MMAB: variants seen among roughly 807,000 people sequenced by gnomAD.
MMAB encodes corrinoid adenosyltransferase MMAB.
Under a neutral mutation model 30.6 loss-of-function variants are expected in MMAB, and 17 were observed. The observed-to-expected ratio is 0.56, with a 90% CI of 0.38 to 0.83. The LOEUF (loss-of-function observed/expected upper bound fraction) is 0.83, where lower values mean the gene tolerates loss of function less well. Among genes scored for constraint, MMAB ranks in the 40% least tolerant of loss-of-function variants. The probability of loss-of-function intolerance (pLI) is 0.00; values close to 1 mark genes in which losing one functional copy is unlikely to be tolerated. For missense variants in MMAB, 311 were observed against 331.6 expected (o/e 0.94, Z 0.48); for synonymous variants, 134 against 138.6 (o/e 0.97, Z 0.23).
rs750253084 is a variant in MMAB at position 109,555,196 on chromosome 12, G to A, written c.*1832C>T. ...TCCAGGAAGATTTTGAGATTTTGAG[G>A]TGTAGACAGAATTGAGTGATTCGCT... On this transcript the variant is annotated 3_prime_UTR_variant, in exon 9 of 9. Transcript: ENST00000545712. The A allele has an allele frequency of 1.3e-5, 6 of 452,472 alleles. No homozygotes were observed. Among genetic ancestry groups the A allele is most frequent in the Middle Eastern group, 6.8e-4 (1 of 1,462 alleles). The allele number at this position is 452,472 out of a possible 1,614,324, so 28.0% of individuals were successfully genotyped here.
At chr12:109,559,029 A>C in intron 8 of MMAB, 67 bp downstream of exon 8, 2 of 1,223,378 alleles carry the variant, frequency 1.6e-6, no homozygotes, top group Non-Finnish European at 2.4e-6. Context: ...GGACCGCTGC[A>C]CCGCTGCTAC....
At chr12:109,564,992 A>G in intron 4 of MMAB, 127 bp downstream of exon 4, 1 of 812,556 alleles carries the variant, frequency 1.2e-6, no homozygotes, top group Non-Finnish European at 2.2e-6. Flanking sequence ...AGATGAAGAA[A>G]TGGAGCTCAC....
rs1271052231 is a variant in MMAB, at chr12:109,558,365, G to A, written c.644+731C>T. 1.3e-5 allele frequency among the ~76,000 whole-genome samples: 2 copies of A among 152,146 alleles called. No individual in the cohort carries two copies. The highest frequency in any genetic ancestry group is 6.5e-5 in the Admixed American group (1 of 15,276). On this transcript the variant is annotated intron_variant, in intron 8 of 8. Coordinates refer to ENST00000545712, the MANE Select transcript of MMAB (RefSeq NM_052845.4). The surrounding 1 kb of genome is among the most constrained non-coding windows in gnomAD (Gnocchi z 4.3). ...GAAGGAAAGGAGCTGCTCAGGACCC[G>A]TCAAAGCGCCATGTCTCTGGGAGGA...
intron 3 of MMAB, among the ~76,000 whole-genome samples, chr12:109,567,558 C>A (rs1884479007): frequency 6.6e-6 from 1 of 151,966 alleles, no homozygotes; most frequent in Admixed American, 6.5e-5. Context: ...CCCTCCTACC[C>A]CGCTGATGTC....
Position 109,561,899 on chromosome 12 carries a change from T to A in MMAB, c.349-47A>T. The A allele has an allele frequency of 6.5e-7, 1 of 1,540,324 alleles. No individual in the cohort carries two copies. The highest frequency in any genetic ancestry group is 8.9e-7 in the Non-Finnish European group (1 of 1,129,496). ...CAGTCAAGATCTATGTGAGATGGGC[T>A]GGACAGAGACAATGTGCAGAGGCGC... On this transcript the variant is annotated intron_variant, in intron 4 of 8. Transcript: ENST00000545712. The surrounding 1 kb of genome is among the most constrained non-coding windows in gnomAD (Gnocchi z 5.3).
At chr12:109,567,172 G>GAAA (rs111916724) in intron 3 of MMAB, 18 of 318,770 alleles carry the variant, frequency 5.6e-5, no homozygotes, top group South Asian at 9.7e-5. Flanking sequence ...CTCCGTCTCG[G>GAAA]AAAAAAAAAA....
rs1055617046 is a variant in MMAB at position 109,568,708 on chromosome 12, T to G, written c.290+62A>C. ...GCCCAGCATGCGTGAGAGCTTCACA[T>G]TCATTACGTTTACTCATACTCGACT... On this transcript the variant is annotated intron_variant, in intron 3 of 8. Transcript: ENST00000545712. The G allele has an allele frequency of 1.2e-5, 15 of 1,270,450 alleles. No individual in the cohort carries two copies. The African/African-American group carries it at 2.1e-4, about 18-fold the overall frequency. The allele number at this position is 1,270,450 out of a possible 1,614,324, so 78.7% of individuals were successfully genotyped here.
At position 109,556,282 on chromosome 12, in the gene MMAB, C is replaced by G; in HGVS notation, c.*746G>C. ...TTTTCTCAAGCTGAAGATGCTGCACCGCAGACCCTTGACTCAGTCCAACCA... is the reference window on the plus strand; with the variant it reads ...TTTTCTCAAGCTGAAGATGCTGCACGGCAGACCCTTGACTCAGTCCAACCA... On this transcript the variant is annotated 3_prime_UTR_variant, in exon 9 of 9. Transcript: ENST00000545712. 2.2e-6 allele frequency: 1 copy of G among 454,004 alleles called. No individual in the cohort carries two copies. Among genetic ancestry groups the G allele is most frequent in the South Asian group, 1.6e-5 (1 of 64,470 alleles). 28.1% of individuals were successfully genotyped at this position (454,004 alleles called of 1,614,324 possible).
At chr12:109,562,814 G>C (rs1884260476) in intron 4 of MMAB, among the ~76,000 whole-genome samples, 1 of 152,176 alleles carries the variant, frequency 6.6e-6, no homozygotes, top group Non-Finnish European at 1.5e-5. Context: ...GTGGGGAGTG[G>C]GTTTGCTTGG....
At chr12:109,565,594 G>A (rs67342900) in intron 3 of MMAB, among the ~76,000 whole-genome samples, 8,471 of 152,282 alleles carry the variant, frequency 0.056, 308 homozygotes, top group Non-Finnish European at 0.083. Flanking sequence ...ATTCTGCACC[G>A]CTGCTGAGTG....
At chr12:109,564,747 C>T in intron 4 of MMAB, 1 of 367,700 alleles carries the variant, frequency 2.7e-6, no homozygotes, top group Non-Finnish European at 5.2e-6. Flanking sequence ...GGCATGATCA[C>T]AGCTCACTGC....
chr12:109,563,683 C>G (rs140302606), intron 4 of MMAB, among the ~76,000 whole-genome samples: 1 of 152,216 alleles, frequency 6.6e-6, no homozygotes, highest in Non-Finnish European at 1.5e-5. Context: ...CCGCTGCTAC[C>G]GCGGCTCCTC....
At position 109,561,856 on chromosome 12, in the gene MMAB, G is replaced by C. The variant is rs2136199982; in HGVS notation, c.349-4C>G. 12 of 1,601,512 alleles carry C rather than the reference G, an allele frequency of 7.5e-6. No homozygotes were observed. The highest frequency in any genetic ancestry group is 1.0e-5 in the Non-Finnish European group (12 of 1,173,106). ...CGTCCTGCAATGTGCACTGGATCTG[G>C]GGGGCGACAGAAAGTGACAGTCAAG... On this transcript the variant is annotated splice_polypyrimidine_tract_variant and splice_region_variant and intron_variant, in intron 4 of 8. Coordinates refer to ENST00000545712, the MANE Select transcript of MMAB (RefSeq NM_052845.4). The surrounding 1 kb of genome is among the most constrained non-coding windows in gnomAD (Gnocchi z 5.3).
chr12:109,562,916 AC>A (rs1375092924), intron 4 of MMAB, among the ~76,000 whole-genome samples: 2 of 152,154 alleles, frequency 1.3e-5, no homozygotes, highest in Non-Finnish European at 2.9e-5. Context: ...GACCACAAGT[AC>A]CACCTCTGAC....
chr12:109,568,833 C>T lies in MMAB; in HGVS notation c.227G>A (p.Arg76Lys). 1 of 1,614,080 alleles carries T rather than the reference C, an allele frequency of 6.2e-7. No individual in the cohort carries two copies. Among genetic ancestry groups the T allele is most frequent in the Non-Finnish European group, 8.5e-7 (1 of 1,179,946 alleles). Reference protein sequence around the residue: ...GFSSTFTGERRPKDDQVFEAV... With the variant: ...GFSSTFTGERKPKDDQVFEAV... Reference sequence around the variant, plus strand: ...TTCAAACACTTGGTCATCTTTGGGTCTCCTTTCTCCTGTGAAGGTACTAGA... The same window carrying T: ...TTCAAACACTTGGTCATCTTTGGGTTTCCTTTCTCCTGTGAAGGTACTAGA... Residue 76 changes from arginine to lysine, a missense_variant, in exon 3 of 9, where the codon AGA (arginine) becomes AAA (lysine). Transcript: ENST00000545712.
In MMAB at chr12:109,568,835, C is replaced by T. The variant is rs267603297; in HGVS notation, c.225G>A (p.Arg75=). Residue 75 remains arginine (R), a synonymous_variant, in exon 3 of 9, where the codon AGG becomes AGA. Transcript: ENST00000545712. The stretch of plus-strand genomic sequence containing the variant: ...CAAACACTTGGTCATCTTTGGGTCT[C>T]CTTTCTCCTGTGAAGGTACTAGAAA... ...KGFSSTFTGE[R]RPKDDQVFEA... The T allele has an allele frequency of 6.2e-7, 1 of 1,614,064 alleles. No individual in the cohort carries two copies.
Position 109,561,293 on chromosome 12 carries a change from T to TGG in MMAB, c.519+125_519+126dup. The TGG allele has an allele frequency of 6.4e-7, 1 of 1,563,574 alleles. No individual in the cohort carries two copies. Among genetic ancestry groups the TGG allele is most frequent in the South Asian group, 1.1e-5 (1 of 87,114 alleles). Reference sequence around the variant, plus strand: ...GGGCTGGGAGGGACCGGTGAGGACCTGGAGGGACTTGGGGAACTGGAGGAC... The same window carrying TGG: ...GGGCTGGGAGGGACCGGTGAGGACCTGGGGAGGGACTTGGGGAACTGGAGGAC... On this transcript the variant is annotated intron_variant, in intron 6 of 8. Transcript: ENST00000545712. The surrounding 1 kb of genome is among the most constrained non-coding windows in gnomAD (Gnocchi z 5.3).
rs1884215164 is a variant in MMAB, at chr12:109,561,740, C to T, written c.421+40G>A. ...GGTGACCCTAGGAGAGTCCCCTGAC[C>T]CTAGGGCCCTCTGAACACCCACAGG... On this transcript the variant is annotated intron_variant, in intron 5 of 8. Transcript: ENST00000545712. The surrounding 1 kb of genome is among the most constrained non-coding windows in gnomAD (Gnocchi z 5.3). 1 of 1,555,212 alleles carries T rather than the reference C, an allele frequency of 6.4e-7. No individual in the cohort carries two copies. The highest frequency in any genetic ancestry group is 1.4e-5 in the African/African-American group (1 of 73,454).
At chr12:109,565,257 G>A in intron 3 of MMAB, 81 bp from the exon 4 acceptor site, 1 of 1,062,626 alleles carries the variant, frequency 9.4e-7, no homozygotes, top group Non-Finnish European at 1.5e-6. Context: ...AGATTCTCAG[G>A]TGGCAGGCCA....
Sources: allele counts gnomAD v4.1 joint callset (sites outside exome capture counted in the v4.1 genomes callset), GRCh38; gene constraint gnomAD v4.1.1; non-coding constraint Gnocchi (gnomAD v3.1); transcripts MANE v1.5; gene names NCBI Gene and HGNC (gene_info 2026-07-23, HGNC 2026-07-21).